The following LPP variants were observed in gnomAD, a reference collection of about 807,000 sequenced individuals.
The protein encoded by LPP is lipoma-preferred partner.
In LPP, 38 loss-of-function variants were observed where a neutral mutation model predicts 60.4. That is an observed-to-expected ratio of 0.63 (90% CI 0.49 to 0.83). The LOEUF (loss-of-function observed/expected upper bound fraction) is 0.83, where lower values mean the gene tolerates loss of function less well. LPP is among the 40% of genes least tolerant of loss of function. The probability of loss-of-function intolerance (pLI) is 0.00; values close to 1 mark genes in which losing one functional copy is unlikely to be tolerated. For synonymous variants in LPP, 328 were observed against 290.8 expected, an observed-to-expected ratio of 1.13 and a Z score of -1.30; for missense variants, 902 against 783.6, an observed-to-expected ratio of 1.15 and a Z score of -1.80.
intron 8 of LPP, among the ~76,000 whole-genome samples, chr3:188,758,231 GCT>G (rs1731024539): frequency 6.6e-6 from 1 of 152,150 alleles, no homozygotes; most frequent in Admixed American, 6.5e-5. Flanking sequence ...CGCCATCTCA[GCT>G]CACTGCAACC....
rs1047363694 is a variant in LPP at position 188,421,303 on chromosome 3, G to C, written c.193+14990G>C. 2.0e-5 allele frequency among the ~76,000 whole-genome samples: 3 copies of C among 152,064 alleles called. No individual in the cohort carries two copies. In the East Asian group the frequency reaches 5.8e-4, roughly 29 times the overall value. On this transcript the variant is annotated intron_variant, in intron 4 of 11. Coordinates refer to ENST00000617246, the MANE Select transcript of LPP (RefSeq NM_001375462.1). ...TTCATCAGTGCAGTGGCCTATTTTA[G>C]TGAACCACAATAGCTTGGGTAGAAA... is the stretch of plus-strand genomic sequence containing the variant.
At chr3:188,522,633 TAAACAGA>T (rs1819191675) in intron 5 of LPP, among the ~76,000 whole-genome samples, 1 of 151,462 alleles carries the variant, frequency 6.6e-6, no homozygotes, top group South Asian at 2.1e-4. Context: ...AGACTGAAAA[TAAACAGA>T]AAAATACACA....
At chr3:188,640,069 G>T (rs533184766) in intron 7 of LPP, among the ~76,000 whole-genome samples, 1 of 151,594 alleles carries the variant, frequency 6.6e-6, no homozygotes, top group African/African-American at 2.4e-5. Context: ...ACATGCACAC[G>T]TATGTTTATT....
intron 3 of LPP, among the ~76,000 whole-genome samples, chr3:188,389,098 T>C (rs985782637): frequency 6.6e-6 from 1 of 152,062 alleles, no homozygotes; most frequent in African/African-American, 2.4e-5. Flanking sequence ...TTTCCCTGAT[T>C]ATTATTTAAG....
chr3:188,767,826 C>G (rs982655333), intron 9 of LPP, among the ~76,000 whole-genome samples: 2 of 152,094 alleles, frequency 1.3e-5, no homozygotes, highest in Non-Finnish European at 2.9e-5. Context: ...CAACAGGAAA[C>G]AGTGCATATG....
chr3:188,823,558 C>T lies in LPP; in HGVS notation c.1411-42642C>T, dbSNP rs185885869. ...ATAAGTAAAACAAATGAAAATGTTT[C>T]GTTTTACTAAGGCTTTTTTGCATTC... On this transcript the variant is annotated intron_variant, in intron 9 of 11. Coordinates refer to ENST00000617246, the MANE Select transcript of LPP (RefSeq NM_001375462.1). 4.0e-3 allele frequency among the ~76,000 whole-genome samples: 610 copies of T among 152,222 alleles called. 5 individuals carry two copies. Among genetic ancestry groups the T allele is most frequent in the African/African-American group, 0.014 (586 of 41,540 alleles).
At chr3:188,763,120 T>C (rs1361858033) in intron 9 of LPP, among the ~76,000 whole-genome samples, 1 of 152,206 alleles carries the variant, frequency 6.6e-6, no homozygotes, top group Non-Finnish European at 1.5e-5. Flanking sequence ...CCAAAAGCCT[T>C]AGAACAGGAA....
intron 3 of LPP, among the ~76,000 whole-genome samples, chr3:188,347,249 T>C (rs1415428550): frequency 6.6e-6 from 1 of 152,156 alleles, no homozygotes; most frequent in Non-Finnish European, 1.5e-5. Flanking sequence ...AAATGGTAGA[T>C]GGGCCCCAGA....
intron 8 of LPP, among the ~76,000 whole-genome samples, chr3:188,713,813 G>T (rs1712644541): frequency 6.6e-6 from 1 of 152,204 alleles, no homozygotes; most frequent in Admixed American, 6.5e-5. Context: ...CCCTTCTTGG[G>T]TGGGTAGAGA....
At chr3:188,526,449 G>A (rs369366801) in intron 6 of LPP, among the ~76,000 whole-genome samples, 7 of 151,916 alleles carry the variant, frequency 4.6e-5, no homozygotes, top group Admixed American at 4.6e-4. Flanking sequence ...CTGCCACCAC[G>A]CCCAGCTAAT....
At position 188,803,045 on chromosome 3, in the gene LPP, C is replaced by CTTTTTTTTT. The variant is rs374563246; in HGVS notation, c.1410+42772_1410+42780dup. ...GATTAAAATACTTTTGTTGTATATG[C>CTTTTTTTTT]TTTTTTTTTTTTTTTTTGAGACAGG... On this transcript the variant is annotated intron_variant, in intron 9 of 11. Coordinates refer to ENST00000617246, the MANE Select transcript of LPP (RefSeq NM_001375462.1). 4.6e-5 allele frequency among the ~76,000 whole-genome samples: 6 copies of CTTTTTTTTT among 130,476 alleles called. 2 individuals are homozygous for CTTTTTTTTT. Among genetic ancestry groups the CTTTTTTTTT allele is most frequent in the Non-Finnish European group, 6.4e-5 (4 of 62,748 alleles). The allele number at this position is 130,476 out of a possible 152,430, so 85.6% of individuals were successfully genotyped here. A position where few individuals can be genotyped will look rare whatever the true frequency, so the allele number is the denominator to read the frequency against.
intron 2 of LPP, among the ~76,000 whole-genome samples, chr3:188,330,542 G>T (rs1759732491): frequency 6.6e-6 from 1 of 152,022 alleles, no homozygotes; most frequent in African/African-American, 2.4e-5. Context: ...AGTATGATTT[G>T]ATTAGACCTC....
intron 9 of LPP, among the ~76,000 whole-genome samples, chr3:188,835,756 A>G (rs1467591832): frequency 3.9e-5 from 6 of 152,236 alleles, no homozygotes; most frequent in South Asian, 4.1e-4. Flanking sequence ...CTTGATATCA[A>G]TGGAATTATG....
chr3:188,481,186 G>A (rs1248922151), intron 4 of LPP, among the ~76,000 whole-genome samples: 1 of 152,106 alleles, frequency 6.6e-6, no homozygotes, highest in African/African-American at 2.4e-5. Flanking sequence ...CTCCCGGTTA[G>A]TTTATGCCTC....
At chr3:188,485,389 A>G (rs1806059660) in intron 5 of LPP, among the ~76,000 whole-genome samples, 1 of 152,230 alleles carries the variant, frequency 6.6e-6, no homozygotes. Context: ...AGAAAATCTA[A>G]TAAAGTGATA....
chr3:188,167,364 G>A lies in LPP; in HGVS notation c.-190+13112G>A, dbSNP rs558846186. On this transcript the variant is annotated intron_variant, in intron 1 of 11. Coordinates refer to ENST00000617246, the MANE Select transcript of LPP (RefSeq NM_001375462.1). ...AATACAAAAATTAGCTGGGCATGGTGGCATGTGCCTTTAGTCCCAGCTACT... is the reference window on the plus strand; with the variant it reads ...AATACAAAAATTAGCTGGGCATGGTAGCATGTGCCTTTAGTCCCAGCTACT... 5.9e-5 allele frequency among the ~76,000 whole-genome samples: 9 copies of A among 152,288 alleles called. No individual in the cohort carries two copies. In the East Asian group the frequency reaches 1.7e-3, roughly 29 times the overall value.
In LPP at chr3:188,610,683, G is replaced by A. The variant is rs9852611; in HGVS notation, c.1113+839G>A. Among the ~76,000 whole-genome samples the A allele has an allele frequency of 0.34, 51,788 of 152,024 alleles. 9,472 individuals carry two copies. The highest frequency in any genetic ancestry group is 0.8 in the East Asian group (4,135 of 5,174). ...GTTACTTCGTCTGAATAGGTAAGGT[G>A]TAATACTACACATGCCCACTCACCA... On this transcript the variant is annotated intron_variant, in intron 7 of 11. Coordinates refer to ENST00000617246, the MANE Select transcript of LPP (RefSeq NM_001375462.1). The surrounding 1 kb of genome is among the most constrained non-coding windows in gnomAD (Gnocchi z 4.4).
intron 7 of LPP, among the ~76,000 whole-genome samples, chr3:188,676,150 C>T (rs1170648407): frequency 2.6e-5 from 4 of 152,104 alleles, no homozygotes; most frequent in Admixed American, 1.3e-4. Context: ...CAGTCACCAC[C>T]GTATTCTGGT....
intron 5 of LPP, among the ~76,000 whole-genome samples, chr3:188,498,622 G>C (rs569603400): frequency 1.2e-3 from 190 of 152,074 alleles, no homozygotes; most frequent in Non-Finnish European, 2.1e-3. Flanking sequence ...TATAAGTATG[G>C]GTGTAGAAAT....
Sources: gnomAD v4.1 joint callset for allele counts (sites outside exome capture counted in the v4.1 genomes callset) on GRCh38, gnomAD v4.1.1 for gene constraint, Gnocchi (gnomAD v3.1) non-coding constraint, MANE v1.5 for transcripts, NCBI Gene and HGNC (gene_info 2026-07-23, HGNC 2026-07-21) for gene names.